CELF4: variants seen among roughly 807,000 people sequenced by gnomAD.
CELF4 encodes CUGBP Elav-like family member 4.
CELF4 carries 18 observed loss-of-function variants against 59.9 expected under a neutral mutation model. That is an observed-to-expected ratio of 0.30 (90% CI 0.21 to 0.45). The LOEUF is 0.45. Among genes scored for constraint, CELF4 ranks in the 20% least tolerant of loss-of-function variants. The pLI is 1.00. For synonymous variants in CELF4, 261 were observed against 267.1 expected, an observed-to-expected ratio of 0.98 and a Z score of 0.22; for missense variants, 456 against 689.0, an observed-to-expected ratio of 0.66 and a Z score of 3.79.
At chr18:37,561,031 G>T (rs1218954138) in intron 1 of CELF4, among the ~76,000 whole-genome samples, 1 of 152,194 alleles carries the variant, frequency 6.6e-6, no homozygotes, top group African/African-American at 2.4e-5. Flanking sequence ...TGAAATAGAA[G>T]ATTGTGCATG....
chr18:37,328,070 GGA>G (rs909885423), intron 2 of CELF4, among the ~76,000 whole-genome samples: 1 of 152,212 alleles, frequency 6.6e-6, no homozygotes, highest in African/African-American at 2.4e-5. Context: ...AGATGGAGAT[GGA>G]GAGAGACTTA....
chr18:37,404,031 C>T (rs2099357697), intron 2 of CELF4, among the ~76,000 whole-genome samples: 2 of 152,206 alleles, frequency 1.3e-5, no homozygotes, highest in South Asian at 2.1e-4. Flanking sequence ...CAGCATCTTC[C>T]ACCTGAAGTG....
chr18:37,258,950 G>A (rs2072215118), intron 11 of CELF4: 1 of 584,770 alleles, frequency 1.7e-6, no homozygotes, highest in Non-Finnish European at 3.0e-6. Flanking sequence ...AAGCCAAGAA[G>A]CAAAAGGAGT....
At chr18:37,534,146 G>C (rs1312722171) in intron 1 of CELF4, among the ~76,000 whole-genome samples, 1 of 152,186 alleles carries the variant, frequency 6.6e-6, no homozygotes, top group Non-Finnish European at 1.5e-5. Flanking sequence ...TATTCACATA[G>C]TTAAATTAGT....
intron 1 of CELF4, among the ~76,000 whole-genome samples, chr18:37,521,714 G>A (rs544025261): frequency 2.0e-5 from 3 of 152,288 alleles, no homozygotes; most frequent in Admixed American, 6.5e-5. Flanking sequence ...CAGAGCAACC[G>A]TCTGGGCTGC....
intron 2 of CELF4, among the ~76,000 whole-genome samples, chr18:37,386,072 G>A (rs965277859): frequency 6.6e-6 from 1 of 151,978 alleles, no homozygotes. Context: ...TTTTGCTTTG[G>A]GCATATTACC....
rs779526126 is a variant in CELF4, at chr18:37,321,888, C to T, written c.370-7G>A. ...CCTGGATCGGCCGGTTCATCTGCAACAGAGCAGAGGGGGACAGCATTATAG... is the reference window on the plus strand; with the variant it reads ...CCTGGATCGGCCGGTTCATCTGCAATAGAGCAGAGGGGGACAGCATTATAG... On this transcript the variant is annotated splice_region_variant and splice_polypyrimidine_tract_variant and intron_variant, in intron 2 of 12. Transcript: ENST00000420428. The T allele has an allele frequency of 3.7e-5, 60 of 1,611,882 alleles. No individual in the cohort carries two copies. The East Asian group carries it at 1.3e-3, about 35-fold the overall frequency.
At chr18:37,513,623 T>C (rs1431609118) in intron 1 of CELF4, among the ~76,000 whole-genome samples, 1 of 152,206 alleles carries the variant, frequency 6.6e-6, no homozygotes, top group Non-Finnish European at 1.5e-5. Context: ...TTTCCAGCTC[T>C]ACCTACTAAG....
In CELF4 at chr18:37,422,996, G is replaced by A. The variant is rs146500813; in HGVS notation, c.369+62529C>T. On this transcript the variant is annotated intron_variant, in intron 2 of 12. Transcript: ENST00000420428. ...CTCTGCTTCTTCATGGGGCTGGGTAGGATATGGGAGCAGCTAGCGGTGCCT... is the reference window on the plus strand; with the variant it reads ...CTCTGCTTCTTCATGGGGCTGGGTAAGATATGGGAGCAGCTAGCGGTGCCT... Among the ~76,000 whole-genome samples the A allele has an allele frequency of 1.5e-3, 208 of 138,948 alleles. 1 individual carries two copies. Among genetic ancestry groups the A allele is most frequent in the Middle Eastern group, 7.1e-3 (2 of 282 alleles). 91.2% of individuals were successfully genotyped at this position (138,948 alleles called of 152,430 possible).
At position 37,441,779 on chromosome 18, in the gene CELF4, G is replaced by A. The variant is rs531798311; in HGVS notation, c.369+43746C>T. Among the ~76,000 whole-genome samples, 4 of 152,238 alleles carry A rather than the reference G, an allele frequency of 2.6e-5. No homozygotes were observed. The South Asian group carries it at 8.3e-4, about 32-fold the overall frequency. ...CTCACCACTAGGCTTGTGGCCTGGG[G>A]AGCATTCTATTCTTGAAGGCCCAGT... is the stretch of plus-strand genomic sequence containing the variant. On this transcript the variant is annotated intron_variant, in intron 2 of 12. Transcript: ENST00000420428.
chr18:37,390,065 C>T (rs1474720407), intron 2 of CELF4, among the ~76,000 whole-genome samples: 1 of 152,226 alleles, frequency 6.6e-6, no homozygotes, highest in African/African-American at 2.4e-5. Context: ...CAGCTCTCTG[C>T]CAGCCAGCCC....
At chr18:37,382,133 C>A (rs1234211386) in intron 2 of CELF4, among the ~76,000 whole-genome samples, 1 of 152,208 alleles carries the variant, frequency 6.6e-6, no homozygotes, top group Non-Finnish European at 1.5e-5. Flanking sequence ...TGTGCTGGCA[C>A]TGACTGTTCT....
At chr18:37,310,962 G>A (rs903042686) in intron 3 of CELF4, among the ~76,000 whole-genome samples, 2 of 152,188 alleles carry the variant, frequency 1.3e-5, no homozygotes, top group African/African-American at 2.4e-5. Flanking sequence ...CGAGAAGGCC[G>A]TGGTGCCTTC....
intron 1 of CELF4, among the ~76,000 whole-genome samples, chr18:37,560,101 A>G (rs2099986093): frequency 6.6e-6 from 1 of 152,252 alleles, no homozygotes; most frequent in Admixed American, 6.5e-5. Flanking sequence ...TTTCAACCCA[A>G]TCTAGAATTC....
chr18:37,247,833 C>G (rs996391693), intron 12 of CELF4, among the ~76,000 whole-genome samples: 1 of 152,174 alleles, frequency 6.6e-6, no homozygotes, highest in Admixed American at 6.5e-5. Flanking sequence ...CCTTGGCCAG[C>G]AAGCAATCTC....
chr18:37,425,709 G>C (rs2099607745), intron 2 of CELF4, among the ~76,000 whole-genome samples: 2 of 152,268 alleles, frequency 1.3e-5, no homozygotes, highest in Admixed American at 6.5e-5. Context: ...TCTAGGGCCA[G>C]GAGCCAGCTC....
intron 2 of CELF4, among the ~76,000 whole-genome samples, chr18:37,335,514 G>GTGTGTGT (rs1569565865): frequency 6.7e-6 from 1 of 149,212 alleles, no homozygotes; most frequent in African/African-American, 2.5e-5. Context: ...TGTGTGTGTG[G>GTGTGTGT]AGGTGTGGGG....
At chr18:37,247,098 TGAC>T (rs1172769696) in intron 12 of CELF4, 1 of 152,224 alleles carries the variant, frequency 6.6e-6, no homozygotes, top group African/African-American at 2.4e-5. Context: ...CCACGAAACT[TGAC>T]GGCAATTGTC....
chr18:37,473,676 A>T (rs375312786), intron 2 of CELF4: 3 of 152,290 alleles, frequency 2.0e-5, no homozygotes, highest in Non-Finnish European at 2.9e-5. Context: ...TCAGGGTGTG[A>T]TCTAAGCTGA....
Sources: gnomAD v4.1 joint callset for allele counts (sites outside exome capture counted in the v4.1 genomes callset) on GRCh38, gnomAD v4.1.1 for gene constraint, MANE v1.5 for transcripts, NCBI Gene and HGNC (gene_info 2026-07-23, HGNC 2026-07-21) for gene names.